The following TEX11 variants were observed in gnomAD, a reference collection of about 807,000 sequenced individuals.
TEX11 encodes testis expressed 11.
TEX11 carries 7 observed loss-of-function variants against 84.4 expected under a neutral mutation model. That is an observed-to-expected ratio of 0.08 (90% CI 0.05 to 0.16). TEX11 has a LOEUF of 0.16. Ranked by LOEUF, TEX11 falls within the 10% of genes least tolerant of loss-of-function variation. The probability of loss-of-function intolerance (pLI) is 1.00; values close to 1 mark genes in which losing one functional copy is unlikely to be tolerated. For synonymous variants in TEX11, 264 were observed against 222.8 expected, an observed-to-expected ratio of 1.18 and a Z score of -1.64; for missense variants, 551 against 660.5, an observed-to-expected ratio of 0.83 and a Z score of 1.82.
chrX:70,521,593 G>T, the TEX11 span, among the ~76,000 whole-genome samples: 1 of 111,399 alleles, frequency 9.0e-6, no homozygotes, highest in Admixed American at 9.6e-5. Flanking sequence ...TTCTTTACTT[G>T]TCTTGCTGAC....
chrX:70,766,017 A>G (rs1602110060), intron 9 of TEX11, among the ~76,000 whole-genome samples: 1 of 112,528 alleles, frequency 8.9e-6, no homozygotes. Context: ...ATATAAAAGA[A>G]GTAATCCTAT....
chrX:70,530,028 T>C (rs2087865231), intron 28 of TEX11, 29 bp from the exon 29 acceptor site: 1 of 1,158,123 alleles, frequency 8.6e-7, no homozygotes. Flanking sequence ...AATTTTGCAG[T>C]TATTACTGTC....
At chrX:70,856,810 C>A (rs1033447903) in intron 5 of TEX11, among the ~76,000 whole-genome samples, 2 of 109,697 alleles carry the variant, frequency 1.8e-5, no homozygotes, top group African/African-American at 6.7e-5. Flanking sequence ...CTCTATAGGA[C>A]AACCTCATTT....
intron 8 of TEX11, among the ~76,000 whole-genome samples, chrX:70,824,058 T>C (rs1263647887): frequency 8.9e-6 from 1 of 111,933 alleles, no homozygotes. Context: ...AGTGTTTTAG[T>C]TTTGGGTAAG....
At chrX:70,605,573 C>G in intron 23 of TEX11, 56 bp from the exon 24 acceptor site, 1 of 825,845 alleles carries the variant, frequency 1.2e-6, no homozygotes, top group Non-Finnish European at 1.8e-6. Flanking sequence ...CAGGTGAACA[C>G]AAACAATCAG....
chrX:70,582,225 A>C (rs1006186395), intron 25 of TEX11, among the ~76,000 whole-genome samples: 2 of 111,831 alleles, frequency 1.8e-5, no homozygotes, highest in African/African-American at 6.5e-5. Flanking sequence ...TTCTGCATTC[A>C]ATCTATTACA....
intron 9 of TEX11, among the ~76,000 whole-genome samples, chrX:70,767,266 C>T (rs932317212): frequency 9.0e-6 from 1 of 111,605 alleles, no homozygotes; most frequent in African/African-American, 3.3e-5. Context: ...AATAACTCTA[C>T]AGGGGAAAAT....
At chrX:70,760,329 A>C (rs1384216228) in intron 9 of TEX11, among the ~76,000 whole-genome samples, 1 of 111,898 alleles carries the variant, frequency 8.9e-6, no homozygotes, top group Admixed American at 9.5e-5. Context: ...AAAAAGAACA[A>C]AGCTGCAGGC....
chrX:70,730,142 A>G (rs2090634230), intron 11 of TEX11, among the ~76,000 whole-genome samples: 4 of 112,028 alleles, frequency 3.6e-5, no homozygotes, highest in Non-Finnish European at 7.5e-5. Flanking sequence ...CTGCCCTAAA[A>G]GAGCTCCTGA....
intron 13 of TEX11, among the ~76,000 whole-genome samples, chrX:70,708,997 C>CAAACTTATCTATTTCAACA (rs1317411865): frequency 9.1e-6 from 1 of 110,177 alleles, no homozygotes; most frequent in Non-Finnish European, 1.9e-5. Flanking sequence ...AAAAAACCTA[C>CAAACTTATCTATTTCAACA]AAACTTATCT....
chrX:70,556,261 A>C (rs1469238493), intron 25 of TEX11, among the ~76,000 whole-genome samples: 2 of 109,982 alleles, frequency 1.8e-5, no homozygotes, highest in Non-Finnish European at 3.8e-5. Flanking sequence ...AATGCTATAC[A>C]CTTTTGTCTA....
At chrX:70,634,986 T>C (rs1462705998) in intron 17 of TEX11, among the ~76,000 whole-genome samples, 2 of 112,102 alleles carry the variant, frequency 1.8e-5, no homozygotes, top group African/African-American at 6.5e-5. Context: ...GCAAAATACA[T>C]GTCTGATAAA....
intron 14 of TEX11, among the ~76,000 whole-genome samples, chrX:70,679,992 G>A (rs1227793162): frequency 6.6e-5 from 5 of 75,384 alleles, no homozygotes; most frequent in South Asian, 7.1e-4. Flanking sequence ...CAGCCGCCCC[G>A]TCCGGGAGGT....
intron 21 of TEX11, 65 bp downstream of exon 21, chrX:70,610,438 C>T: frequency 9.7e-7 from 1 of 1,036,068 alleles, no homozygotes; most frequent in Non-Finnish European, 1.3e-6. Context: ...GCTTAGTGTA[C>T]TTGGAGAATT....
chrX:70,895,462 G>T (rs1185072716), intron 2 of TEX11, among the ~76,000 whole-genome samples: 2 of 111,741 alleles, frequency 1.8e-5, no homozygotes, highest in Non-Finnish European at 3.8e-5. Flanking sequence ...GTAATTTATA[G>T]ATTCAATGCT....
chrX:70,591,854 G>C (rs375908640), intron 24 of TEX11, 31 bp from the exon 25 acceptor site: 66 of 1,100,785 alleles, frequency 6.0e-5, no homozygotes, highest in Non-Finnish European at 8.0e-5. Context: ...AAGTTAATTA[G>C]TCCCAACAAA....
rs756559330 is a variant in TEX11 at position 70,714,972 on chromosome X, T to C, written c.1004+7646A>G. On this transcript the variant is annotated intron_variant, in intron 13 of 29. Coordinates refer to ENST00000374333, the MANE Select transcript of TEX11 (RefSeq NM_031276.3). Reference sequence around the variant, plus strand: ...TGTTTAGTGCTTCCTTCAGGAGCTCTTTTAGGGCAGGCCTGGTGGTGACAA... The same window carrying C: ...TGTTTAGTGCTTCCTTCAGGAGCTCCTTTAGGGCAGGCCTGGTGGTGACAA... 4.8e-3 allele frequency among the ~76,000 whole-genome samples: 532 copies of C among 111,615 alleles called. 2 individuals carry two copies. The highest frequency in any genetic ancestry group is 0.017 in the African/African-American group (513 of 30,683).
chrX:70,593,493 G>T (rs1328470094), intron 24 of TEX11, among the ~76,000 whole-genome samples: 1 of 111,894 alleles, frequency 8.9e-6, no homozygotes, highest in Admixed American at 9.5e-5. Flanking sequence ...AAAGAGACAG[G>T]AAAGTGTGAC....
At chrX:70,632,564 G>A (rs1203281971) in intron 17 of TEX11, among the ~76,000 whole-genome samples, 1 of 110,453 alleles carries the variant, frequency 9.1e-6, no homozygotes, top group East Asian at 2.9e-4. Flanking sequence ...AGCTGTGTTC[G>A]TTTTTTTGAG....
Sources: allele counts gnomAD v4.1 joint callset (sites outside exome capture counted in the v4.1 genomes callset), GRCh38; gene constraint gnomAD v4.1.1; transcripts MANE v1.5; gene names NCBI Gene and HGNC (gene_info 2026-07-23, HGNC 2026-07-21).